NCOA2: variants seen among roughly 807,000 people sequenced by gnomAD.
NCOA2 encodes class E basic helix-loop-helix protein 75.
In NCOA2, 21 loss-of-function variants were observed where a neutral mutation model predicts 145.1. That is an observed-to-expected ratio of 0.14 (90% confidence interval 0.10 to 0.21). NCOA2 has a LOEUF of 0.21. NCOA2 is among the 10% of genes least tolerant of loss of function. NCOA2 has a pLI of 1.00. For missense variants in NCOA2, 1,472 were observed against 1,837.6 expected, an observed-to-expected ratio of 0.80 and a Z score of 3.64; for synonymous variants, 619 against 637.5, an observed-to-expected ratio of 0.97 and a Z score of 0.44.
At chr8:70,360,878 C>T (rs1810133436) in intron 1 of NCOA2, among the ~76,000 whole-genome samples, 1 of 140,878 alleles carries the variant, frequency 7.1e-6, no homozygotes, top group South Asian at 2.2e-4. Flanking sequence ...AAGGAGATTA[C>T]AGTGAGCCAA....
upstream of NCOA2, chr8:70,403,903 C>G (rs1586701875): frequency 8.1e-6 from 3 of 371,272 alleles, no homozygotes; most frequent in African/African-American, 6.6e-5. Context: ...TGCGGAGAGA[C>G]AGACAGCGCG....
chr8:70,301,674 A>G (rs991778397), intron 1 of NCOA2, among the ~76,000 whole-genome samples: 7 of 150,566 alleles, frequency 4.6e-5, no homozygotes, highest in East Asian at 3.9e-4. Flanking sequence ...AAAAAAAAAA[A>G]AAAAAAGAAA....
chr8:70,387,381 T>C (rs142283195), intron 1 of NCOA2, among the ~76,000 whole-genome samples: 1 of 152,350 alleles, frequency 6.6e-6, no homozygotes, highest in East Asian at 1.9e-4. Flanking sequence ...CCTTTAGATA[T>C]AGTTTAAGAA....
At chr8:70,388,113 A>G (rs180729343) in intron 1 of NCOA2, among the ~76,000 whole-genome samples, 1 of 152,380 alleles carries the variant, frequency 6.6e-6, no homozygotes, top group Admixed American at 6.5e-5. Context: ...GGGATGGTAT[A>G]TAATGCAGCA....
intron 1 of NCOA2, among the ~76,000 whole-genome samples, chr8:70,301,763 A>G (rs1325462756): frequency 1.3e-5 from 2 of 152,118 alleles, no homozygotes; most frequent in African/African-American, 2.4e-5. Flanking sequence ...GGCTGTTGGA[A>G]AGAGATGACT....
At chr8:70,182,025 T>A (rs944773667) in intron 4 of NCOA2, among the ~76,000 whole-genome samples, 8 of 152,274 alleles carry the variant, frequency 5.3e-5, no homozygotes, top group South Asian at 4.1e-4. Flanking sequence ...TTAGAAAAGC[T>A]GCCATATGGC....
At chr8:70,354,771 A>G (rs1809534667) in intron 1 of NCOA2, among the ~76,000 whole-genome samples, 1 of 152,252 alleles carries the variant, frequency 6.6e-6, no homozygotes, top group African/African-American at 2.4e-5. Flanking sequence ...TATGAAAAAT[A>G]TGTTTGCATA....
chr8:70,328,793 G>A (rs1463907363), intron 1 of NCOA2, among the ~76,000 whole-genome samples: 1 of 151,858 alleles, frequency 6.6e-6, no homozygotes, highest in Non-Finnish European at 1.5e-5. Context: ...AAAACAAAGA[G>A]AAAAAATAGG....
At chr8:70,444,516 T>C in the NCOA2 span, among the ~76,000 whole-genome samples, 1 of 152,204 alleles carries the variant, frequency 6.6e-6, no homozygotes, top group Admixed American at 6.5e-5. Context: ...TATATGTAAA[T>C]GAGTGCATAT....
At chr8:70,343,656 A>G (rs1175376343) in intron 1 of NCOA2, among the ~76,000 whole-genome samples, 3 of 152,016 alleles carry the variant, frequency 2.0e-5, no homozygotes, top group African/African-American at 7.2e-5. Flanking sequence ...TCTACTAAAA[A>G]TACAAAAATT....
chr8:70,444,092 A>G, the NCOA2 span, among the ~76,000 whole-genome samples: 1 of 152,250 alleles, frequency 6.6e-6, no homozygotes, highest in African/African-American at 2.4e-5. Flanking sequence ...TTTATTTGTA[A>G]TAGTCCCAAA....
the NCOA2 span, among the ~76,000 whole-genome samples, chr8:70,449,555 C>T: frequency 3.3e-5 from 5 of 152,222 alleles, no homozygotes; most frequent in African/African-American, 1.2e-4. Context: ...CTGGCAGGAT[C>T]AGGGAACCTT....
intron 1 of NCOA2, among the ~76,000 whole-genome samples, chr8:70,385,123 G>C (rs771728434): frequency 1.3e-5 from 2 of 152,120 alleles, no homozygotes; most frequent in Non-Finnish European, 2.9e-5. Flanking sequence ...ATGCACAGGT[G>C]GGTCTTGTCT....
At chr8:70,245,624 T>G (rs527657574) in intron 2 of NCOA2, among the ~76,000 whole-genome samples, 6 of 152,162 alleles carry the variant, frequency 3.9e-5, no homozygotes, top group East Asian at 1.9e-4. Flanking sequence ...TGCACTCACA[T>G]ACGCATGTCT....
intron 21 of NCOA2, 42 bp downstream of exon 21, chr8:70,123,842 C>A: frequency 6.7e-7 from 1 of 1,503,200 alleles, no homozygotes; most frequent in Admixed American, 2.1e-5. Flanking sequence ...GAAAAAAAGC[C>A]GTGATATGAA....
intron 15 of NCOA2, among the ~76,000 whole-genome samples, chr8:70,134,150 CT>C (rs1809474405): frequency 6.6e-6 from 1 of 152,204 alleles, no homozygotes; most frequent in Non-Finnish European, 1.5e-5. Flanking sequence ...CCACACTCTC[CT>C]AGAACTTTCT....
At chr8:70,235,448 C>G (rs141605362) in intron 2 of NCOA2, among the ~76,000 whole-genome samples, 53 of 152,070 alleles carry the variant, frequency 3.5e-4, no homozygotes, top group African/African-American at 1.3e-3. Context: ...GATATTTTAC[C>G]ATAATAAAAA....
chr8:70,289,445 T>G (rs1442069834), intron 2 of NCOA2, among the ~76,000 whole-genome samples: 1 of 152,194 alleles, frequency 6.6e-6, no homozygotes, highest in Non-Finnish European at 1.5e-5. Context: ...CCATTCATCC[T>G]TCCACTGAAA....
intron 4 of NCOA2, among the ~76,000 whole-genome samples, chr8:70,209,050 C>T (rs1239304985): frequency 6.6e-6 from 1 of 152,152 alleles, no homozygotes; most frequent in Non-Finnish European, 1.5e-5. Flanking sequence ...ATTCTAGATG[C>T]CATGAAGAAC....
Sources: allele counts gnomAD v4.1 joint callset (sites outside exome capture counted in the v4.1 genomes callset), GRCh38; gene constraint gnomAD v4.1.1; transcripts MANE v1.5; gene names NCBI Gene and HGNC (gene_info 2026-07-23, HGNC 2026-07-21).